The following SHTN1 variants were observed in gnomAD, a reference collection of about 807,000 sequenced individuals.
The protein encoded by SHTN1 is shootin 1, also known as shootin-1.
Under a neutral mutation model 83.1 loss-of-function variants are expected in SHTN1, and 42 were observed. That is an observed-to-expected ratio of 0.51 (90% CI 0.39 to 0.65). The LOEUF is 0.65. Ranked by LOEUF, SHTN1 falls within the 30% of genes least tolerant of loss-of-function variation. The probability of loss-of-function intolerance (pLI) is 0.00; values close to 1 mark genes in which losing one functional copy is unlikely to be tolerated. For missense variants in SHTN1, 622 were observed against 737.8 expected, an observed-to-expected ratio of 0.84 and a Z score of 1.82; for synonymous variants, 224 against 247.7, an observed-to-expected ratio of 0.90 and a Z score of 0.90.
At chr10:117,115,626 T>C (rs138723893) in intron 1 of SHTN1, among the ~76,000 whole-genome samples, 55 of 152,322 alleles carry the variant, frequency 3.6e-4, no homozygotes, top group Non-Finnish European at 6.8e-4. Flanking sequence ...TCTCCTTCTG[T>C]ATCTCATAGA....
chr10:116,930,122 T>A (rs1451302534), intron 9 of SHTN1, 120 bp from the exon 10 acceptor site: 1 of 578,120 alleles, frequency 1.7e-6, no homozygotes, highest in Non-Finnish European at 2.9e-6. Context: ...CAGATTCCAA[T>A]CCATCTTAAC....
intron 2 of SHTN1, among the ~76,000 whole-genome samples, chr10:117,027,465 C>CT (rs200455795): frequency 0.018 from 2,737 of 150,104 alleles, 85 homozygotes; most frequent in African/African-American, 0.063. Flanking sequence ...CCAAGCAATC[C>CT]TTTTTTTTTA....
intron 3 of SHTN1, among the ~76,000 whole-genome samples, chr10:116,966,802 A>C (rs1850411329): frequency 6.6e-6 from 1 of 152,370 alleles, no homozygotes; most frequent in African/African-American, 2.4e-5. Context: ...ATCCATTATC[A>C]ATAATTCAAG....
chr10:116,929,971 T>A lies in SHTN1; in HGVS notation c.890A>T (p.Glu297Val). ...VKELEEQLEN[E>V]TLHKEIHNLK... is the part of the protein sequence containing the mutation. ...GTTGTGTATTTCTTTGTGGAGTGTT[T>A]CATTTTCTAGTTGCTCTTCTAATTC... Residue 297 changes from glutamate to valine, a missense_variant, in exon 10 of 17, where the codon GAA becomes GTA. Physicochemically the swap from Glu to Val is moderately radical, Grantham distance 121. Transcript: ENST00000355371. The A allele has an allele frequency of 1.3e-6, 2 of 1,599,738 alleles. No individual in the cohort carries two copies. The highest frequency in any genetic ancestry group is 1.7e-6 in the Non-Finnish European group (2 of 1,173,142).
chr10:116,894,401 A>G (rs546623023), intron 16 of SHTN1, among the ~76,000 whole-genome samples: 7 of 152,304 alleles, frequency 4.6e-5, no homozygotes, highest in South Asian at 2.1e-4. Flanking sequence ...GACTCCCCCA[A>G]ACGAAAAAGC....
At chr10:116,948,788 G>GA (rs1849675464) in intron 7 of SHTN1, 128 bp downstream of exon 7, 1 of 510,424 alleles carries the variant, frequency 2.0e-6, no homozygotes, top group Non-Finnish European at 2.9e-6. Flanking sequence ...CACAATGCTA[G>GA]AAAATCACAA....
chr10:117,009,119 AAAAAG>A (rs993032562), upstream of SHTN1, among the ~76,000 whole-genome samples: 21 of 152,168 alleles, frequency 1.4e-4, no homozygotes, highest in Non-Finnish European at 2.4e-4. Context: ...CTGTCTCAAA[AAAAAG>A]AAAAGAAAAG....
intron 6 of SHTN1, 34 bp from the exon 7 acceptor site, chr10:116,949,031 C>A (rs757860732): frequency 2.6e-5 from 38 of 1,485,872 alleles, no homozygotes; most frequent in Non-Finnish European, 3.1e-5. Context: ...GAGAAAACAC[C>A]AAAAATTGTA....
intron 1 of SHTN1, among the ~76,000 whole-genome samples, chr10:116,982,411 A>C (rs1281269574): frequency 6.6e-6 from 1 of 152,142 alleles, no homozygotes; most frequent in African/African-American, 2.4e-5. Context: ...AACAACACAT[A>C]CACAGACATG....
chr10:117,083,682 G>A (rs1364258120), intron 1 of SHTN1, among the ~76,000 whole-genome samples: 1 of 151,840 alleles, frequency 6.6e-6, no homozygotes, highest in East Asian at 1.9e-4. Context: ...CCAGTCAGAC[G>A]TAGATTTGGT....
At chr10:116,993,707 T>A (rs1268340769) in intron 1 of SHTN1, among the ~76,000 whole-genome samples, 1 of 152,136 alleles carries the variant, frequency 6.6e-6, no homozygotes, top group Non-Finnish European at 1.5e-5. Context: ...TTAAAATGAG[T>A]GAATTAAACA....
At chr10:117,026,203 TC>T (rs1429237774) in intron 2 of SHTN1, among the ~76,000 whole-genome samples, 2 of 151,952 alleles carry the variant, frequency 1.3e-5, no homozygotes, top group African/African-American at 4.8e-5. Context: ...AAAGTTTGAG[TC>T]CCAGGACAAG....
intron 1 of SHTN1, among the ~76,000 whole-genome samples, chr10:117,085,505 T>G (rs1853336993): frequency 6.6e-6 from 1 of 152,214 alleles, no homozygotes; most frequent in African/African-American, 2.4e-5. Context: ...GAGAGCATAT[T>G]TTGTGAGTTT....
In SHTN1 at chr10:117,051,478, C is replaced by T. The variant is rs141855134; in HGVS notation, c.-188-2968G>A. Reference sequence around the variant, plus strand: ...CAATGCAAGAAAAGAAACTGCAGACCAATATCCCTTATGAACACAGAAGCA... The same window carrying T: ...CAATGCAAGAAAAGAAACTGCAGACTAATATCCCTTATGAACACAGAAGCA... On this transcript the variant is annotated intron_variant, in intron 1 of 17. Coordinates refer to the SHTN1 transcript ENST00000392901. Among the ~76,000 whole-genome samples, 455 of 152,172 alleles carry T rather than the reference C, an allele frequency of 3.0e-3. 8 individuals carry two copies. Among genetic ancestry groups the T allele is most frequent in the Admixed American group, 0.027 (416 of 15,284 alleles).
intron 6 of SHTN1, among the ~76,000 whole-genome samples, chr10:116,951,538 T>A (rs543627251): frequency 1.3e-5 from 2 of 152,344 alleles, no homozygotes; most frequent in South Asian, 4.1e-4. Context: ...TCCTTCCCAA[T>A]TGAACCAGTC....
chr10:116,938,861 G>A (rs1849263711), intron 9 of SHTN1, among the ~76,000 whole-genome samples: 1 of 152,208 alleles, frequency 6.6e-6, no homozygotes, highest in Admixed American at 6.5e-5. Flanking sequence ...GAGATGCTTT[G>A]CCCAGAGAGG....
At chr10:117,034,394 C>G (rs945506753) in intron 2 of SHTN1, among the ~76,000 whole-genome samples, 5 of 152,174 alleles carry the variant, frequency 3.3e-5, no homozygotes, top group African/African-American at 1.2e-4. Flanking sequence ...GTAATCCCAG[C>G]ACTCTGGGGA....
chr10:116,982,694 C>T (rs1399750879), intron 1 of SHTN1, among the ~76,000 whole-genome samples: 1 of 152,144 alleles, frequency 6.6e-6, no homozygotes, highest in African/African-American at 2.4e-5. Flanking sequence ...CAGTGGCTCA[C>T]GCCTGTAATC....
At chr10:116,975,936 G>A (rs530722423) in intron 2 of SHTN1, among the ~76,000 whole-genome samples, 12 of 152,248 alleles carry the variant, frequency 7.9e-5, no homozygotes, top group East Asian at 5.8e-4. Context: ...GAAAAGGATC[G>A]GGTCTGATAA....
Sources: allele counts gnomAD v4.1 joint callset (sites outside exome capture counted in the v4.1 genomes callset), GRCh38; gene constraint gnomAD v4.1.1; transcripts MANE v1.5; gene names NCBI Gene and HGNC (gene_info 2026-07-23, HGNC 2026-07-21).